The following UBQLN1 variants were observed in gnomAD, a reference collection of about 807,000 sequenced individuals.
UBQLN1 encodes the protein ubiquilin-1.
Under a neutral mutation model 65.4 loss-of-function variants are expected in UBQLN1, and 13 were observed. The observed-to-expected ratio is 0.20, with a 90% CI of 0.13 to 0.32. The LOEUF (loss-of-function observed/expected upper bound fraction) is 0.32, where lower values mean the gene tolerates loss of function less well. Ranked by LOEUF, UBQLN1 falls within the 10% of genes least tolerant of loss-of-function variation. The pLI is 1.00. For synonymous variants in UBQLN1, 267 were observed against 247.8 expected, an observed-to-expected ratio of 1.08 and a Z score of -0.73; for missense variants, 561 against 724.0, an observed-to-expected ratio of 0.77 and a Z score of 2.58.
chr9:83,673,205 G>A (rs1388805144), intron 6 of UBQLN1, among the ~76,000 whole-genome samples: 4 of 152,090 alleles, frequency 2.6e-5, no homozygotes, highest in Non-Finnish European at 5.9e-5. Flanking sequence ...ACTCCAGCCT[G>A]GGCGACGACT....
At chr9:83,667,046 T>G (rs940433252) in intron 7 of UBQLN1, 1 of 152,328 alleles carries the variant, frequency 6.6e-6, no homozygotes, top group East Asian at 1.9e-4. Context: ...GGGAAAAGTA[T>G]TAAAATGATT....
At chr9:83,682,818 A>C in intron 3 of UBQLN1, 133 bp downstream of exon 3, 3 of 486,472 alleles carry the variant, frequency 6.2e-6, no homozygotes, top group Non-Finnish European at 1.1e-5. Context: ...AATTATAGGA[A>C]TGTATGTTTT....
intron 6 of UBQLN1, among the ~76,000 whole-genome samples, chr9:83,675,949 T>C (rs1324533635): frequency 6.6e-6 from 1 of 152,170 alleles, no homozygotes; most frequent in African/African-American, 2.4e-5. Flanking sequence ...TTTTTTCAAT[T>C]AAAAAATTTG....
intron 5 of UBQLN1, 52 bp downstream of exon 5, chr9:83,678,389 G>C (rs951938665): frequency 1.1e-5 from 17 of 1,557,522 alleles, no homozygotes; most frequent in Non-Finnish European, 6.9e-6. Context: ...ACACATATTT[G>C]TGTTAAAACA....
chr9:83,689,694 C>T (rs1170071534), intron 1 of UBQLN1, among the ~76,000 whole-genome samples: 1 of 152,114 alleles, frequency 6.6e-6, no homozygotes, highest in Admixed American at 6.5e-5. Context: ...TACAAAAAGA[C>T]CTAACCATTG....
chr9:83,698,007 A>C (rs1279727545), intron 1 of UBQLN1, among the ~76,000 whole-genome samples: 1 of 152,178 alleles, frequency 6.6e-6, no homozygotes, highest in Non-Finnish European at 1.5e-5. Context: ...GAGTGCCGGG[A>C]TTAGCAGCAT....
At chr9:83,670,562 A>G (rs1045541508) in intron 6 of UBQLN1, among the ~76,000 whole-genome samples, 1 of 152,180 alleles carries the variant, frequency 6.6e-6, no homozygotes, top group Non-Finnish European at 1.5e-5. Context: ...AACTCTGCAC[A>G]TAAATATAAA....
rs527313265 is a variant in UBQLN1 at position 83,684,999 on chromosome 9, A to C, written c.332+1005T>G. The stretch of plus-strand genomic sequence containing the variant: ...AGCCAGGCATCAACTACATGCCTGC[A>C]CATGTAGTCTACATGACTTCAACTG... On this transcript the variant is annotated intron_variant, in intron 2 of 10. Coordinates refer to ENST00000376395, the MANE Select transcript of UBQLN1 (RefSeq NM_013438.5). Among the ~76,000 whole-genome samples the C allele has an allele frequency of 9.2e-5, 14 of 152,260 alleles. No homozygotes were observed. In the South Asian group the frequency reaches 2.9e-3, roughly 32 times the overall value.
chr9:83,681,461 T>G (rs1011727975), intron 3 of UBQLN1, among the ~76,000 whole-genome samples: 1 of 152,142 alleles, frequency 6.6e-6, no homozygotes, highest in African/African-American at 2.4e-5. Context: ...GTAAAGAATA[T>G]TCACAGGATA....
rs564628159 is a variant in UBQLN1, at chr9:83,678,075, G to A, written c.871-114C>T. ...CTCGCTCTGTGACCCAGGCTGGAGT[G>A]CAGTGGCGCGATCTCGGCTCACTGC... is the stretch of plus-strand genomic sequence containing the variant. On this transcript the variant is annotated intron_variant, in intron 5 of 10. Coordinates refer to ENST00000376395, the MANE Select transcript of UBQLN1 (RefSeq NM_013438.5). 2,115 of 796,970 alleles carry A rather than the reference G, an allele frequency of 2.7e-3. 35 individuals carry two copies. In the African/African-American group the frequency reaches 0.035, roughly 13 times the overall value. 49.4% of individuals were successfully genotyped at this position (796,970 alleles called of 1,614,324 possible). A position where few individuals can be genotyped will look rare whatever the true frequency, so the allele number is the denominator to read the frequency against.
At chr9:83,685,309 G>C (rs1832021545) in intron 2 of UBQLN1, among the ~76,000 whole-genome samples, 1 of 152,150 alleles carries the variant, frequency 6.6e-6, no homozygotes, top group East Asian at 1.9e-4. Flanking sequence ...ACAGAACAGA[G>C]TTTGATACTG....
At chr9:83,702,715 T>C (rs1347484107) in intron 1 of UBQLN1, among the ~76,000 whole-genome samples, 1 of 152,192 alleles carries the variant, frequency 6.6e-6, no homozygotes, top group Non-Finnish European at 1.5e-5. Context: ...ACTTTTTAAG[T>C]ACTTAACCAC....
chr9:83,662,807 C>A (rs1309141300), intron 10 of UBQLN1, among the ~76,000 whole-genome samples: 1 of 152,240 alleles, frequency 6.6e-6, no homozygotes, highest in Admixed American at 6.5e-5. Flanking sequence ...GCAGGCCAGG[C>A]TCACGCCTGT....
intron 6 of UBQLN1, among the ~76,000 whole-genome samples, chr9:83,676,853 T>C (rs1031743680): frequency 2.0e-5 from 3 of 152,238 alleles, no homozygotes; most frequent in Non-Finnish European, 2.9e-5. Context: ...ATTGTCACTA[T>C]GGCTAATGAT....
chr9:83,675,491 A>C (rs545483563), intron 6 of UBQLN1, among the ~76,000 whole-genome samples: 41 of 152,192 alleles, frequency 2.7e-4, no homozygotes, highest in African/African-American at 8.9e-4. Flanking sequence ...AAATCACAAG[A>C]AGCAAGACCT....
intron 6 of UBQLN1, among the ~76,000 whole-genome samples, chr9:83,675,934 TTTTA>T (rs1265673247): frequency 6.6e-6 from 1 of 152,102 alleles, no homozygotes; most frequent in Non-Finnish European, 1.5e-5. Flanking sequence ...TTACCAATTT[TTTTA>T]TTTTTTCAAT....
At chr9:83,669,935 T>C (rs1418538791) in intron 6 of UBQLN1, among the ~76,000 whole-genome samples, 2 of 152,218 alleles carry the variant, frequency 1.3e-5, no homozygotes, top group African/African-American at 2.4e-5. Context: ...GGGCAAGTTA[T>C]CTAGCGTCTT....
chr9:83,662,967 T>C (rs1455030373), intron 10 of UBQLN1, among the ~76,000 whole-genome samples: 1 of 151,030 alleles, frequency 6.6e-6, no homozygotes, highest in African/African-American at 2.4e-5. Context: ...TCCCAGCTAC[T>C]CCAGAGGCTA....
At position 83,666,415 on chromosome 9, in the gene UBQLN1, G is replaced by T; in HGVS notation, c.1267C>A (p.Leu423Ile). The T allele has an allele frequency of 6.2e-7, 1 of 1,613,870 alleles. No individual in the cohort carries two copies. The highest frequency in any genetic ancestry group is 8.5e-7 in the Non-Finnish European group (1 of 1,179,794). The stretch of plus-strand genomic sequence containing the variant: ...TGAAGCTGAGGATTTCCAGCAAATA[G>T]GGGATTATTCAGCATCATCTATGGG... Reference protein sequence around the residue: ...LAAQMMLNNPLFAGNPQLQEQ... With the variant: ...LAAQMMLNNPIFAGNPQLQEQ... Residue 423 changes from leucine to isoleucine, a missense_variant, in exon 8 of 11, where the codon CTA (leucine) becomes ATA (isoleucine). Physicochemically the swap from Leu to Ile is conservative, Grantham distance 5. Transcript: ENST00000376395.
Sources: gnomAD v4.1 joint callset for allele counts (sites outside exome capture counted in the v4.1 genomes callset) on GRCh38, gnomAD v4.1.1 for gene constraint, MANE v1.5 for transcripts, NCBI Gene and HGNC (gene_info 2026-07-23, HGNC 2026-07-21) for gene names.